The following DROSHA variants were observed in gnomAD, a reference collection of about 807,000 sequenced individuals.
DROSHA encodes the protein ribonuclease 3.
DROSHA carries 56 observed loss-of-function variants against 181.9 expected under a neutral mutation model. The ratio of observed to expected loss-of-function variants is 0.31; its 90% CI spans 0.25 to 0.38. The LOEUF (loss-of-function observed/expected upper bound fraction) is 0.38, where lower values mean the gene tolerates loss of function less well. DROSHA is among the 10% of genes least tolerant of loss of function. The probability of loss-of-function intolerance (pLI) is 1.00; values close to 1 mark genes in which losing one functional copy is unlikely to be tolerated. For missense variants in DROSHA, 1,218 were observed against 1,743.5 expected, an observed-to-expected ratio of 0.70 and a Z score of 5.37; for synonymous variants, 524 against 591.2, an observed-to-expected ratio of 0.89 and a Z score of 1.65.
At chr5:31,478,755 C>T (rs555523346) in intron 16 of DROSHA, among the ~76,000 whole-genome samples, 3 of 152,214 alleles carry the variant, frequency 2.0e-5, no homozygotes, top group African/African-American at 7.2e-5. Flanking sequence ...CTAGTAACAT[C>T]CAGTATTGGC....
intron 23 of DROSHA, among the ~76,000 whole-genome samples, chr5:31,443,799 C>T (rs1314335105): frequency 1.3e-5 from 2 of 152,154 alleles, no homozygotes; most frequent in Non-Finnish European, 2.9e-5. Context: ...TTGATCCCCC[C>T]GCTGCCCTAT....
chr5:31,457,467 G>C (rs985926027), intron 20 of DROSHA, among the ~76,000 whole-genome samples: 2 of 152,018 alleles, frequency 1.3e-5, no homozygotes, highest in African/African-American at 4.8e-5. Context: ...TGTCCGGGGT[G>C]GGTGGCAAGA....
chr5:31,500,343 G>T (rs190975837), intron 11 of DROSHA, among the ~76,000 whole-genome samples: 6 of 152,244 alleles, frequency 3.9e-5, no homozygotes, highest in South Asian at 2.1e-4. Flanking sequence ...TGATCAACAG[G>T]GCCAGAACAT....
At chr5:31,447,122 T>C (rs971066126) in intron 23 of DROSHA, among the ~76,000 whole-genome samples, 4 of 152,146 alleles carry the variant, frequency 2.6e-5, no homozygotes, top group Non-Finnish European at 4.4e-5. Context: ...TGCAGGGACA[T>C]GGATAGAGCT....
rs1361683067 is a variant in DROSHA at position 31,515,545 on chromosome 5, C to A, written c.967G>T (p.Val323Phe). 2 of 1,550,530 alleles carry A rather than the reference C, an allele frequency of 1.3e-6. No individual in the cohort carries two copies. Among genetic ancestry groups the A allele is most frequent in the Non-Finnish European group, 1.7e-6 (2 of 1,146,080 alleles). Residue 323 changes from valine to phenylalanine, a missense_variant, in exon 7 of 36, where the codon GTT becomes TTT. Physicochemically the swap from Val to Phe is conservative, Grantham distance 50 (BLOSUM62 -1). Around this residue, in one of 8 missense-constraint regions of DROSHA, gnomAD observed 536 missense variants for 535.4 expected, o/e 1.00. Transcript: ENST00000344624. ...RSGRSYGLSV[V>F]PEPAGCTPEL... ...GGTGTGCATCCAGCAGGTTCAGGAA[C>A]AACCGATAAACCGTAACTCCTAAAA...
At position 31,465,319 on chromosome 5, in the gene DROSHA, C is replaced by G. The variant is rs540277396; in HGVS notation, c.2466+863G>C. Among the ~76,000 whole-genome samples, 4 of 152,136 alleles carry G rather than the reference C, an allele frequency of 2.6e-5. No homozygotes were observed. In the East Asian group the frequency reaches 7.7e-4, roughly 29 times the overall value. The stretch of plus-strand genomic sequence containing the variant: ...GTTATCCTGGATTACAGGGATAATA[C>G]TACCCATTAGTAAGGAAATATGGAA... On this transcript the variant is annotated intron_variant, in intron 19 of 35. Transcript: ENST00000344624.
At chr5:31,408,748 C>T (rs900908991) in intron 33 of DROSHA, 8 of 246,564 alleles carry the variant, frequency 3.2e-5, no homozygotes, top group African/African-American at 1.8e-4. Flanking sequence ...ATATAAAAAC[C>T]ACTGAATCCA....
At chr5:31,446,218 G>T (rs1049444003) in intron 23 of DROSHA, among the ~76,000 whole-genome samples, 1 of 151,318 alleles carries the variant, frequency 6.6e-6, no homozygotes, top group Non-Finnish European at 1.5e-5. Flanking sequence ...AGGCCAAGGC[G>T]GGCGGATCAC....
At chr5:31,435,996 G>T in intron 24 of DROSHA, 132 bp from the exon 25 acceptor site, 1 of 761,236 alleles carries the variant, frequency 1.3e-6, no homozygotes, top group Non-Finnish European at 2.1e-6. Flanking sequence ...TAAAGGATCT[G>T]ATTAAAGTCT....
In DROSHA at chr5:31,484,938, G is replaced by T; in HGVS notation, c.1939C>A (p.Leu647Ile). ...TCTCTGAATAGGAACAGTGAAAAGA[G>T]TTCAAGCCCTTTCACACAAAAATTC... is the stretch of plus-strand genomic sequence containing the variant. ...PENFCVKGLE[L>I]FSLFLFRDIL... Residue 647 changes from leucine (L) to isoleucine (I), a missense_variant, in exon 15 of 36, where the codon CTC (leucine) becomes ATC (isoleucine). Physicochemically the swap from Leu to Ile is conservative, Grantham distance 5. This residue lies in a region of DROSHA where 460 missense variants were observed against 774.2 expected (regional missense o/e 0.59). Transcript: ENST00000344624. 1 of 1,544,346 alleles carries T rather than the reference G, an allele frequency of 6.5e-7. No individual in the cohort carries two copies. The highest frequency in any genetic ancestry group is 8.7e-7 in the Non-Finnish European group (1 of 1,145,274).
At chr5:31,408,623 T>C (rs936833824) in intron 33 of DROSHA, 1 of 161,624 alleles carries the variant, frequency 6.2e-6, no homozygotes, top group African/African-American at 2.4e-5. Flanking sequence ...CAATAGGGGT[T>C]CAGGGAAAGT....
chr5:31,517,470 C>G (rs148380981), intron 6 of DROSHA, among the ~76,000 whole-genome samples: 1 of 152,242 alleles, frequency 6.6e-6, no homozygotes, highest in African/African-American at 2.4e-5. Flanking sequence ...AGGCAGAAAT[C>G]TAATCTCAAT....
chr5:31,471,952 G>T, intron 17 of DROSHA, 111 bp downstream of exon 17: 1 of 1,002,608 alleles, frequency 1.0e-6, no homozygotes, highest in Non-Finnish European at 1.4e-6. Flanking sequence ...CCAAGGACAA[G>T]AGCAGTGACT....
chr5:31,520,193 C>T (rs1432405435), intron 6 of DROSHA, among the ~76,000 whole-genome samples: 1 of 152,070 alleles, frequency 6.6e-6, no homozygotes, highest in Non-Finnish European at 1.5e-5. Flanking sequence ...TAGAAATCAA[C>T]CCATCACATT....
chr5:31,447,717 A>AT (rs1421713442), intron 23 of DROSHA, among the ~76,000 whole-genome samples: 1 of 152,222 alleles, frequency 6.6e-6, no homozygotes. Context: ...TCTGAAGAAG[A>AT]TGAACAAATA....
chr5:31,426,694 A>T (rs1374337216), intron 27 of DROSHA, among the ~76,000 whole-genome samples: 2 of 152,154 alleles, frequency 1.3e-5, no homozygotes, highest in African/African-American at 2.4e-5. Context: ...AAGAGGGATT[A>T]AAAAAACGGC....
intron 18 of DROSHA, chr5:31,467,033 T>G (rs1281027495): frequency 6.6e-6 from 1 of 152,134 alleles, no homozygotes; most frequent in Non-Finnish European, 1.5e-5. Context: ...TTCCAAAGAT[T>G]TTCTGTCACA....
At chr5:31,453,114 T>C (rs1747224757) in intron 20 of DROSHA, among the ~76,000 whole-genome samples, 1 of 152,234 alleles carries the variant, frequency 6.6e-6, no homozygotes, top group Non-Finnish European at 1.5e-5. Context: ...GTGAATTGTT[T>C]ACTTTTTTAA....
intron 30 of DROSHA, 70 bp downstream of exon 30, chr5:31,421,202 T>C (rs1230107496): frequency 4.6e-5 from 54 of 1,177,642 alleles, no homozygotes; most frequent in South Asian, 8.8e-5. Flanking sequence ...CATAGATATA[T>C]ATTTGACCCC....
Sources: gnomAD v4.1 joint callset for allele counts (sites outside exome capture counted in the v4.1 genomes callset) on GRCh38, gnomAD v4.1.1 for gene constraint, gnomAD v4.1.1 regional missense constraint, MANE v1.5 for transcripts, NCBI Gene and HGNC (gene_info 2026-07-23, HGNC 2026-07-21) for gene names.